Variants in PLLP observed in about 807,000 individuals in gnomAD.
The protein encoded by PLLP is plasmolipin, also known as plasma membrane proteolipid (plasmolipin).
In PLLP, 15 loss-of-function variants were observed where a neutral mutation model predicts 19.7. That is an observed-to-expected ratio of 0.76 (90% confidence interval 0.51 to 1.17). The LOEUF (loss-of-function observed/expected upper bound fraction) is 1.17, where lower values mean the gene tolerates loss of function less well. Among genes scored for constraint, PLLP ranks in the 50% most tolerant of loss-of-function variants. The pLI, the probability that PLLP is intolerant of heterozygous loss-of-function variation, is 0.00. For missense variants in PLLP, 255 were observed against 258.3 expected (o/e 0.99, Z 0.09); for synonymous variants, 111 against 116.3 (o/e 0.95, Z 0.29).
At position 57,256,721 on chromosome 16, in the gene PLLP, C is replaced by T. The variant is rs2075426765; in HGVS notation, c.*192G>A. On this transcript the variant is annotated 3_prime_UTR_variant, in exon 4 of 4. Transcript: ENST00000219207. ...GTCTCAGCAGTTGGCCTCCTGCAAG[C>T]CGAGATGCCTGCCAGCCTGGGCCTG... 5.3e-6 allele frequency: 3 copies of T among 563,194 alleles called. No individual in the cohort carries two copies. Among genetic ancestry groups the T allele is most frequent in the Non-Finnish European group, 9.5e-6 (3 of 314,742 alleles). 34.9% of individuals were successfully genotyped at this position (563,194 alleles called of 1,614,324 possible). A position where few individuals can be genotyped will look rare whatever the true frequency, so the allele number is the denominator to read the frequency against.
chr16:57,260,860 C>T (rs982212301), intron 2 of PLLP, among the ~76,000 whole-genome samples: 1 of 152,248 alleles, frequency 6.6e-6, no homozygotes, highest in African/African-American at 2.4e-5. Context: ...TTGTCCTGCA[C>T]ACTTGAGGCC....
At chr16:57,266,194 G>A (rs1265758093) in intron 1 of PLLP, among the ~76,000 whole-genome samples, 19 of 151,996 alleles carry the variant, frequency 1.3e-4, no homozygotes, top group Admixed American at 2.0e-4. Flanking sequence ...ACTGCCCGCC[G>A]CCATCCCTGC....
At chr16:57,279,553 C>T (rs1168669950) in intron 1 of PLLP, among the ~76,000 whole-genome samples, 1 of 151,938 alleles carries the variant, frequency 6.6e-6, no homozygotes, top group African/African-American at 2.4e-5. Flanking sequence ...ATGTACCTGT[C>T]GTCCCAGATA....
chr16:57,257,913 T>G (rs2075430867), intron 3 of PLLP, among the ~76,000 whole-genome samples: 1 of 152,040 alleles, frequency 6.6e-6, no homozygotes. Context: ...GTGTGGCAGC[T>G]CACACCTGTA....
Position 57,262,070 on chromosome 16 carries a change from C to A in PLLP, c.136G>T (p.Val46Leu). Residue 46 changes from valine to leucine, a missense_variant and splice_region_variant, in exon 2 of 4, where the codon GTG (valine) becomes TTG (leucine). Transcript: ENST00000219207. ...RLGALMLLQLVLGLLVWALIA... is the reference protein window; with the variant it reads ...RLGALMLLQLLLGLLVWALIA... ...AGCGCCCACACCAGCAGCCCCAGCA[C>A]CTAGGAGGGTCAGACAAGGCAGGAT... The A allele has an allele frequency of 6.2e-7, 1 of 1,614,140 alleles. No individual in the cohort carries two copies. The highest frequency in any genetic ancestry group is 1.1e-5 in the South Asian group (1 of 91,086).
At chr16:57,263,562 C>G (rs1428132303) in intron 1 of PLLP, among the ~76,000 whole-genome samples, 1 of 152,228 alleles carries the variant, frequency 6.6e-6, no homozygotes, top group East Asian at 1.9e-4. Context: ...CCAGCCCTCA[C>G]AGCCACAGAG....
intron 3 of PLLP, 72 bp from the exon 4 acceptor site, chr16:57,257,101 C>T: frequency 9.1e-7 from 1 of 1,101,492 alleles, no homozygotes; most frequent in Non-Finnish European, 1.4e-6. Flanking sequence ...AGATCTCAGG[C>T]CAGGCAGGAG....
chr16:57,259,230 C>A (rs2075435177), intron 2 of PLLP, among the ~76,000 whole-genome samples: 1 of 152,222 alleles, frequency 6.6e-6, no homozygotes, highest in African/African-American at 2.4e-5. Context: ...CATGACCCAT[C>A]TCTTTGTACC....
Position 57,284,404 on chromosome 16 carries a change from A to T in PLLP, c.135+2T>A. The T allele has an allele frequency of 7.1e-7, 1 of 1,410,178 alleles. No individual in the cohort carries two copies. The highest frequency in any genetic ancestry group is 9.3e-7 in the Non-Finnish European group (1 of 1,080,606). 87.4% of individuals were successfully genotyped at this position (1,410,178 alleles called of 1,614,324 possible). Reference sequence around the variant, plus strand: ...ACCCCGTGGGCCCGCGCGTGCTCTCACCAGCTGCAGCAGCATGAGCGCCCC... The same window carrying T: ...ACCCCGTGGGCCCGCGCGTGCTCTCTCCAGCTGCAGCAGCATGAGCGCCCC... On this transcript the variant is annotated splice_donor_variant, in intron 1 of 3. Transcript: ENST00000219207. LOFTEE classifies it high-confidence loss of function.
chr16:57,272,269 C>T (rs1397184833), intron 1 of PLLP, among the ~76,000 whole-genome samples: 4 of 152,218 alleles, frequency 2.6e-5, no homozygotes, highest in Non-Finnish European at 5.9e-5. Context: ...CCAGGCTCCC[C>T]TTCCCCTGTC....
intron 1 of PLLP, among the ~76,000 whole-genome samples, chr16:57,275,843 C>G (rs554750371): frequency 1.3e-5 from 2 of 152,330 alleles, no homozygotes; most frequent in East Asian, 3.9e-4. Flanking sequence ...GATCCTGGCG[C>G]CGCGCCTTGC....
At chr16:57,281,874 C>CCT (rs1384010050) in intron 1 of PLLP, among the ~76,000 whole-genome samples, 1 of 152,114 alleles carries the variant, frequency 6.6e-6, no homozygotes, top group Admixed American at 6.6e-5. Flanking sequence ...GATGGAAGAC[C>CCT]CTCATCCCCT....
chr16:57,271,546 G>A (rs561490347), intron 1 of PLLP, among the ~76,000 whole-genome samples: 1 of 152,150 alleles, frequency 6.6e-6, no homozygotes, highest in South Asian at 2.1e-4. Context: ...TCGGGAGGCT[G>A]AGGCAAGAGA....
At chr16:57,283,898 A>G (rs933126362) in intron 1 of PLLP, among the ~76,000 whole-genome samples, 2 of 152,136 alleles carry the variant, frequency 1.3e-5, no homozygotes. Context: ...AGGAATGTTC[A>G]TGGGTGCGGC....
chr16:57,281,394 G>A, intron 1 of PLLP, among the ~76,000 whole-genome samples: 1 of 152,188 alleles, frequency 6.6e-6, no homozygotes, highest in South Asian at 2.1e-4. Flanking sequence ...TGGCTTCCCA[G>A]CAGATGGTGG....
At chr16:57,283,331 C>T (rs559176333) in intron 1 of PLLP, among the ~76,000 whole-genome samples, 1 of 151,966 alleles carries the variant, frequency 6.6e-6, no homozygotes, top group Non-Finnish European at 1.5e-5. Flanking sequence ...GAGGTGGGCC[C>T]GCACCTGGAG....
chr16:57,283,503 T>C (rs1901243874), intron 1 of PLLP, among the ~76,000 whole-genome samples: 1 of 152,114 alleles, frequency 6.6e-6, no homozygotes, highest in Non-Finnish European at 1.5e-5. Context: ...CTGGCCCAAC[T>C]CCAATTCCAC....
chr16:57,271,451 T>G (rs1205065702), intron 1 of PLLP, among the ~76,000 whole-genome samples: 1 of 151,884 alleles, frequency 6.6e-6, no homozygotes, highest in Non-Finnish European at 1.5e-5. Flanking sequence ...CCAGACCAGC[T>G]TGGCCAACAT....
intron 1 of PLLP, among the ~76,000 whole-genome samples, chr16:57,265,335 GAACA>G (rs1461234922): frequency 2.0e-5 from 3 of 152,250 alleles, no homozygotes; most frequent in Non-Finnish European, 4.4e-5. Context: ...TTCTGAAGGA[GAACA>G]AACACTTCGG....
Sources: gnomAD v4.1 joint callset for allele counts (sites outside exome capture counted in the v4.1 genomes callset) on GRCh38, gnomAD v4.1.1 for gene constraint, MANE v1.5 for transcripts, NCBI Gene and HGNC (gene_info 2026-07-23, HGNC 2026-07-21) for gene names.